TRAPPC11: variants seen among roughly 807,000 people sequenced by gnomAD.
TRAPPC11 encodes trafficking protein particle complex subunit 11.
In TRAPPC11, 104 loss-of-function variants were observed where a neutral mutation model predicts 151.2. The observed-to-expected ratio is 0.69, with a 90% CI of 0.59 to 0.81. The LOEUF (loss-of-function observed/expected upper bound fraction) is 0.81, where lower values mean the gene tolerates loss of function less well. Ranked by LOEUF, TRAPPC11 falls within the 30% of genes least tolerant of loss-of-function variation. The probability of loss-of-function intolerance (pLI) is 0.00; values close to 1 mark genes in which losing one functional copy is unlikely to be tolerated. For missense variants in TRAPPC11, 1,230 were observed against 1,349.6 expected (o/e 0.91, Z 1.39); for synonymous variants, 456 against 472.3 (o/e 0.97, Z 0.45).
intron 17 of TRAPPC11, among the ~76,000 whole-genome samples, chr4:183,686,283 C>T (rs1363722137): frequency 2.0e-5 from 3 of 151,770 alleles, no homozygotes; most frequent in Non-Finnish European, 4.4e-5. Flanking sequence ...ATTATAGGTG[C>T]ACACCACCAT....
chr4:183,662,354 C>CAA (rs202105209), intron 1 of TRAPPC11, among the ~76,000 whole-genome samples: 15,985 of 109,958 alleles, frequency 0.15, 1,367 homozygotes, highest in East Asian at 0.23. Flanking sequence ...TACTCCGTCT[C>CAA]AAAAAAAAAA....
chr4:183,712,943 A>G lies in TRAPPC11; in HGVS notation c.*299A>G. On this transcript the variant is annotated 3_prime_UTR_variant, in exon 30 of 30. Transcript: ENST00000334690. ...TATGAAAAGTAAGTGATTTGCATGT[A>G]TAATATCAGGAAAATTAAGCATCCC... The G allele has an allele frequency of 2.9e-6, 1 of 349,998 alleles. No individual in the cohort carries two copies. Among genetic ancestry groups the G allele is most frequent in the Non-Finnish European group, 5.1e-6 (1 of 194,338 alleles). 21.7% of individuals were successfully genotyped at this position (349,998 alleles called of 1,614,324 possible).
chr4:183,694,403 A>G (rs1736423266), intron 22 of TRAPPC11, among the ~76,000 whole-genome samples: 1 of 152,194 alleles, frequency 6.6e-6, no homozygotes, highest in Admixed American at 6.5e-5. Flanking sequence ...TCCCACCCTT[A>G]TACTGTGGCC....
chr4:183,702,691 C>T (rs59237481), intron 26 of TRAPPC11, among the ~76,000 whole-genome samples: 16,381 of 152,148 alleles, frequency 0.11, 960 homozygotes, highest in African/African-American at 0.14. Flanking sequence ...TGGGGGGATA[C>T]AAGCAGGAAG....
At chr4:183,665,538 T>C (rs1029097890) in intron 2 of TRAPPC11, among the ~76,000 whole-genome samples, 1 of 152,266 alleles carries the variant, frequency 6.6e-6, no homozygotes, top group Non-Finnish European at 1.5e-5. Flanking sequence ...TGTTATTTTG[T>C]GTCAGACTTC....
At chr4:183,686,248 TG>T (rs1463537660) in intron 17 of TRAPPC11, among the ~76,000 whole-genome samples, 2 of 152,152 alleles carry the variant, frequency 1.3e-5, no homozygotes, top group Non-Finnish European at 2.9e-5. Flanking sequence ...GTGATTCTTG[TG>T]CCTCAGCCTC....
intron 5 of TRAPPC11, among the ~76,000 whole-genome samples, chr4:183,668,713 G>A (rs1735004214): frequency 6.6e-6 from 1 of 152,116 alleles, no homozygotes; most frequent in Admixed American, 6.6e-5. Context: ...AAGCCTTTGT[G>A]TATAAAGGGC....
In TRAPPC11 at chr4:183,694,687, C is replaced by T. The variant is rs760413718; in HGVS notation, c.2592C>T (p.Thr864=). 7 of 1,607,172 alleles carry T rather than the reference C, an allele frequency of 4.4e-6. No individual in the cohort carries two copies. The highest frequency in any genetic ancestry group is 1.7e-5 in the Admixed American group (1 of 58,294). ...LVYVSYLINT[T]VEEKEIVCKC... is the part of the protein sequence containing the mutation. ...ATGTTTCTTACCTGATAAATACAAC[C>T]GTTGAAGAAAAAGAAATTGTTTGCA... The change falls in exon 23 of 30, where the codon ACC becomes ACT. Residue 864 remains threonine, a synonymous_variant. Transcript: ENST00000334690.
Position 183,705,067 on chromosome 4 carries a change from G to T in TRAPPC11, c.3052G>T (p.Ala1018Ser). The T allele has an allele frequency of 6.3e-7, 1 of 1,578,398 alleles. No homozygotes were observed. The change falls in exon 27 of 30, where the codon GCA (alanine) becomes TCA (serine). Residue 1018 changes from alanine (A) to serine (S), a missense_variant. Ala to Ser is a moderately conservative substitution (Grantham distance 99). Coordinates refer to ENST00000334690, the MANE Select transcript of TRAPPC11 (RefSeq NM_021942.6). ...GGAGAATATCCCTCTCCATGTGAAT[G>T]CAGGTAGCGGAATTCAAATTTTACT... The part of the protein sequence containing the change: ...IVENIPLHVN[A>S]DLPSFGRVRE...
At chr4:183,664,178 CAGT>C (rs1326705270) in intron 2 of TRAPPC11, 107 bp downstream of exon 2, 93 of 942,816 alleles carry the variant, frequency 9.9e-5, no homozygotes, top group Middle Eastern at 3.3e-4. Context: ...ACAGTGGTCA[CAGT>C]GGTGCATAAA....
chr4:183,677,220 C>T (rs1735458615), intron 7 of TRAPPC11, among the ~76,000 whole-genome samples: 1 of 152,144 alleles, frequency 6.6e-6, no homozygotes. Flanking sequence ...TTGTTACTGA[C>T]AGATGTTAAT....
chr4:183,675,386 T>G (rs1485921668), intron 7 of TRAPPC11, 149 bp downstream of exon 7: 1 of 415,068 alleles, frequency 2.4e-6, no homozygotes, highest in East Asian at 3.8e-5. Flanking sequence ...GAATGGAGTA[T>G]AATATTTTAG....
rs6816944 is a variant in TRAPPC11, at chr4:183,697,317, G to A, written c.2629-186G>A. ...CAGAGTGAGACCCTGTCTCCCAAAGGAAAAAAAAAAAATTAGTACTCAGTT... is the reference window on the plus strand; with the variant it reads ...CAGAGTGAGACCCTGTCTCCCAAAGAAAAAAAAAAAAATTAGTACTCAGTT... On this transcript the variant is annotated intron_variant, in intron 23 of 29. Coordinates refer to ENST00000334690, the MANE Select transcript of TRAPPC11 (RefSeq NM_021942.6). 0.18 allele frequency among the ~76,000 whole-genome samples: 25,413 copies of A among 143,158 alleles called. 2,243 individuals carry two copies. The highest frequency in any genetic ancestry group is 0.19 in the East Asian group (958 of 4,948). The allele number at this position is 143,158 out of a possible 152,430, so 93.9% of individuals were successfully genotyped here.
chr4:183,679,987 C>T (rs1735594533), intron 9 of TRAPPC11, 133 bp from the exon 10 acceptor site: 3 of 690,368 alleles, frequency 4.3e-6, no homozygotes, highest in East Asian at 5.5e-5. Context: ...GAAATTAGAA[C>T]AAATATTAAC....
intron 25 of TRAPPC11, chr4:183,701,460 C>G: frequency 9.8e-6 from 4 of 409,908 alleles, no homozygotes; most frequent in Non-Finnish European, 1.8e-5. Context: ...GACTTTCTTG[C>G]AGATATACAG....
chr4:183,675,094 A>T, intron 6 of TRAPPC11, 70 bp from the exon 7 acceptor site: 1 of 819,350 alleles, frequency 1.2e-6, no homozygotes, highest in Non-Finnish European at 1.8e-6. Context: ...ATGTCTCCTC[A>T]TAATAAACAT....
In TRAPPC11 at chr4:183,664,126, G is replaced by T. The variant is rs538151373; in HGVS notation, c.204+55G>T. On this transcript the variant is annotated intron_variant, in intron 2 of 29. Coordinates refer to ENST00000334690, the MANE Select transcript of TRAPPC11 (RefSeq NM_021942.6). ...TCCTTCTCTCTCTCTATGTGTGTGT[G>T]TGTGTCTTTTTTGTTCTGTTGTGTG... 9.7e-5 allele frequency: 143 copies of T among 1,466,856 alleles called. No homozygotes were observed. In the African/African-American group the frequency reaches 1.8e-3, roughly 19 times the overall value. The allele number at this position is 1,466,856 out of a possible 1,614,324, so 90.9% of individuals were successfully genotyped here.
At chr4:183,699,671 A>G (rs1440767483) in intron 25 of TRAPPC11, among the ~76,000 whole-genome samples, 1 of 152,204 alleles carries the variant, frequency 6.6e-6, no homozygotes, top group Non-Finnish European at 1.5e-5. Flanking sequence ...ACAAGGTGTC[A>G]GCCTGGTTGC....
chr4:183,710,361 A>G (rs1413663401), intron 29 of TRAPPC11, among the ~76,000 whole-genome samples: 6 of 151,016 alleles, frequency 4.0e-5, no homozygotes, highest in Non-Finnish European at 8.8e-5. Flanking sequence ...ATGTCTGCTC[A>G]CTGCAAGCTC....
Sources: gnomAD v4.1 joint callset for allele counts (sites outside exome capture counted in the v4.1 genomes callset) on GRCh38, gnomAD v4.1.1 for gene constraint, MANE v1.5 for transcripts, NCBI Gene and HGNC (gene_info 2026-07-23, HGNC 2026-07-21) for gene names.